MAL2: variants seen among roughly 807,000 people sequenced by gnomAD.
The protein encoded by MAL2 is protein MAL2.
A neutral mutation model predicts 18.1 loss-of-function variants in MAL2; 17 were observed. That is an observed-to-expected ratio of 0.94 (90% CI 0.64 to 1.41). The LOEUF (loss-of-function observed/expected upper bound fraction) is 1.41, where lower values mean the gene tolerates loss of function less well. Among genes scored for constraint, MAL2 ranks in the 40% most tolerant of loss-of-function variants. The pLI is 0.00. For missense variants in MAL2, 222 were observed against 231.9 expected (o/e 0.96, Z 0.28); for synonymous variants, 102 against 102.3 (o/e 1.00, Z 0.02).
At chr8:119,229,453 C>G (rs1358675137) in intron 2 of MAL2, among the ~76,000 whole-genome samples, 1 of 151,948 alleles carries the variant, frequency 6.6e-6, no homozygotes, top group Non-Finnish European at 1.5e-5. Context: ...ACTGGGATTA[C>G]AGGCATGCAC....
chr8:119,229,888 C>T (rs1392734460), intron 2 of MAL2, among the ~76,000 whole-genome samples: 2 of 152,138 alleles, frequency 1.3e-5, no homozygotes, highest in Admixed American at 6.5e-5. Context: ...ACAGCAGTTC[C>T]ACTCTGGTGG....
At chr8:119,219,513 C>T (rs374582000) in intron 1 of MAL2, among the ~76,000 whole-genome samples, 1 of 137,886 alleles carries the variant, frequency 7.3e-6, no homozygotes, top group Admixed American at 7.8e-5. Context: ...CTCTATCACT[C>T]TCCCTGGGTG....
intron 2 of MAL2, among the ~76,000 whole-genome samples, chr8:119,237,466 C>T (rs564329685): frequency 4.6e-5 from 7 of 151,624 alleles, no homozygotes; most frequent in Admixed American, 4.6e-4. Context: ...GATACCAAAG[C>T]CGGGCAGAGA....
rs192103755 is a variant in MAL2 at position 119,240,389 on chromosome 8, C to G, written c.459+69C>G. On this transcript the variant is annotated intron_variant, in intron 3 of 3. Transcript: ENST00000614891. ...CTCCACTGTCAAGGCCTCCAAGAAA[C>G]TCCTCAGGCAACAATAGTTTTCTTC... The G allele has an allele frequency of 8.0e-6, 12 of 1,503,318 alleles. No homozygotes were observed. In the Admixed American group the frequency reaches 1.9e-4, roughly 24 times the overall value. 93.1% of individuals were successfully genotyped at this position (1,503,318 alleles called of 1,614,324 possible).
Position 119,208,646 on chromosome 8 carries a change from G to T in MAL2, c.132+42G>T. On this transcript the variant is annotated intron_variant, in intron 1 of 3. Transcript: ENST00000614891. This position sits in a 1 kb window ranked among gnomAD's most constrained non-coding sequence, Gnocchi z 4.3. ...GAGCGAGGGTCGCGCGGGGAGCGAG[G>T]ACAGGCGGCGGCATCCTTGTCCCCC... 7.9e-7 allele frequency: 1 copy of T among 1,272,832 alleles called. No homozygotes were observed. Among genetic ancestry groups the T allele is most frequent in the South Asian group, 2.7e-5 (1 of 37,108 alleles). The allele number at this position is 1,272,832 out of a possible 1,614,324, so 78.8% of individuals were successfully genotyped here.
intron 3 of MAL2, 108 bp from the exon 4 acceptor site, chr8:119,243,309 G>A (rs1170390722): frequency 9.6e-6 from 6 of 623,020 alleles, no homozygotes; most frequent in Non-Finnish European, 1.5e-5. Flanking sequence ...AAGTGTCGAA[G>A]TATCTTTAGG....
At chr8:119,237,104 G>A in intron 2 of MAL2, among the ~76,000 whole-genome samples, 1 of 152,096 alleles carries the variant, frequency 6.6e-6, no homozygotes, top group East Asian at 1.9e-4. Context: ...TGACAAAGGG[G>A]ATATCAGCAC....
At chr8:119,237,574 A>G (rs1194569319) in intron 2 of MAL2, among the ~76,000 whole-genome samples, 1 of 151,792 alleles carries the variant, frequency 6.6e-6, no homozygotes, top group Admixed American at 6.5e-5. Flanking sequence ...GCAGCACATC[A>G]AAAAGCTTAT....
rs975457040 is a variant in MAL2 at position 119,244,893 on chromosome 8, C to G, written c.*1405C>G. 2 of 152,556 alleles carry G rather than the reference C, an allele frequency of 1.3e-5. No homozygotes were observed. Among genetic ancestry groups the G allele is most frequent in the Non-Finnish European group, 2.9e-5 (2 of 68,024 alleles). The allele number at this position is 152,556 out of a possible 1,614,324, so 9.5% of individuals were successfully genotyped here. A position where few individuals can be genotyped will look rare whatever the true frequency, so the allele number is the denominator to read the frequency against. ...GAGTGAGGCCACAGTTCCCACCACACGAGGGCTTTTGTATTGTTCTACTTT... is the reference window on the plus strand; with the variant it reads ...GAGTGAGGCCACAGTTCCCACCACAGGAGGGCTTTTGTATTGTTCTACTTT... On this transcript the variant is annotated 3_prime_UTR_variant, in exon 4 of 4. Transcript: ENST00000614891.
chr8:119,228,095 A>G (rs954167879), intron 2 of MAL2, among the ~76,000 whole-genome samples: 3 of 152,148 alleles, frequency 2.0e-5, no homozygotes. Context: ...CTCTTATGGC[A>G]CATACACGAG....
intron 2 of MAL2, among the ~76,000 whole-genome samples, chr8:119,239,321 T>C (rs571126718): frequency 6.6e-6 from 1 of 151,992 alleles, no homozygotes; most frequent in Admixed American, 6.5e-5. Flanking sequence ...CTTTACACTG[T>C]TGGTGGGACT....
rs1817226084 is a variant in MAL2 at position 119,208,779 on chromosome 8, T to G, written c.132+175T>G. 25 of 1,022,340 alleles carry G rather than the reference T, an allele frequency of 2.4e-5. No individual in the cohort carries two copies. Among genetic ancestry groups the G allele is most frequent in the East Asian group, 3.4e-5 (1 of 29,304 alleles). 63.3% of individuals were successfully genotyped at this position (1,022,340 alleles called of 1,614,324 possible). A position where few individuals can be genotyped will look rare whatever the true frequency, so the allele number is the denominator to read the frequency against. On this transcript the variant is annotated intron_variant, in intron 1 of 3. Coordinates refer to ENST00000614891, the MANE Select transcript of MAL2 (RefSeq NM_052886.3). This position sits in a 1 kb window ranked among gnomAD's most constrained non-coding sequence, Gnocchi z 4.3. The stretch of plus-strand genomic sequence containing the variant: ...GTGCCCCGCGCCGCCGCCCGGGCCC[T>G]CCCTCCTAGCACCTGTTACGCGGGC...
At position 119,208,544 on chromosome 8, in the gene MAL2, C is replaced by T. The variant is rs1483283471; in HGVS notation, c.72C>T (p.Thr24=). Residue 24 remains threonine (T), a synonymous_variant, in exon 1 of 4, where the codon ACC becomes ACT. Transcript: ENST00000614891. The surrounding 1 kb of genome is among the most constrained non-coding windows in gnomAD (Gnocchi z 4.3). The part of the protein sequence containing the change: ...PAVSFPPPRV[T]LPAGPDILRT... The stretch of plus-strand genomic sequence containing the variant: ...TGTCCTTCCCGCCGCCCCGGGTCAC[C>T]CTGCCCGCCGGCCCCGACATCCTGC... 1 of 1,400,600 alleles carries T rather than the reference C, an allele frequency of 7.1e-7. No homozygotes were observed. Among genetic ancestry groups the T allele is most frequent in the Non-Finnish European group, 9.3e-7 (1 of 1,072,822 alleles). The allele number at this position is 1,400,600 out of a possible 1,614,324, so 86.8% of individuals were successfully genotyped here. A position where few individuals can be genotyped will look rare whatever the true frequency, so the allele number is the denominator to read the frequency against.
chr8:119,220,589 C>T (rs1214038109), intron 1 of MAL2, among the ~76,000 whole-genome samples: 2 of 152,164 alleles, frequency 1.3e-5, no homozygotes, highest in African/African-American at 2.4e-5. Flanking sequence ...AGCTTCAGCA[C>T]CTCCTCGCTC....
At chr8:119,238,659 AAAAC>A (rs1563778258) in intron 2 of MAL2, among the ~76,000 whole-genome samples, 1 of 149,816 alleles carries the variant, frequency 6.7e-6, no homozygotes, top group Non-Finnish European at 1.5e-5. Context: ...AAACCTGAGA[AAAAC>A]AAGCAATGGG....
In MAL2 at chr8:119,208,697, C is replaced by T. The variant is rs1475885426; in HGVS notation, c.132+93C>T. Reference sequence around the variant, plus strand: ...GGGCTGTCTTCCTCTGCGTCCGCCCCCGGCCTCCTTCCCTTCGACGTGGCT... The same window carrying T: ...GGGCTGTCTTCCTCTGCGTCCGCCCTCGGCCTCCTTCCCTTCGACGTGGCT... On this transcript the variant is annotated intron_variant, in intron 1 of 3. Coordinates refer to ENST00000614891, the MANE Select transcript of MAL2 (RefSeq NM_052886.3). This position sits in a 1 kb window ranked among gnomAD's most constrained non-coding sequence, Gnocchi z 4.3. The T allele has an allele frequency of 5.8e-6, 7 of 1,213,718 alleles. No individual in the cohort carries two copies. Among genetic ancestry groups the T allele is most frequent in the African/African-American group, 3.2e-5 (2 of 63,236 alleles). 75.2% of individuals were successfully genotyped at this position (1,213,718 alleles called of 1,614,324 possible). A position where few individuals can be genotyped will look rare whatever the true frequency, so the allele number is the denominator to read the frequency against.
At chr8:119,231,816 C>G (rs999788746) in intron 2 of MAL2, among the ~76,000 whole-genome samples, 1 of 151,988 alleles carries the variant, frequency 6.6e-6, no homozygotes, top group Non-Finnish European at 1.5e-5. Context: ...AAGCCAGGCA[C>G]GGAAAGACCA....
chr8:119,231,065 T>C (rs1817713830), intron 2 of MAL2, among the ~76,000 whole-genome samples: 2 of 152,164 alleles, frequency 1.3e-5, no homozygotes, highest in Non-Finnish European at 2.9e-5. Flanking sequence ...AGAGTCTTGC[T>C]CTGTTGTCCA....
chr8:119,221,470 T>G (rs1161754353), intron 1 of MAL2, 117 bp from the exon 2 acceptor site: 11 of 1,225,192 alleles, frequency 9.0e-6, no homozygotes, highest in Non-Finnish European at 1.3e-5. Context: ...TGCTGGAATA[T>G]GTGCAGGGGT....
Sources: allele counts gnomAD v4.1 joint callset (sites outside exome capture counted in the v4.1 genomes callset), GRCh38; gene constraint gnomAD v4.1.1; non-coding constraint Gnocchi (gnomAD v3.1); transcripts MANE v1.5; gene names NCBI Gene and HGNC (gene_info 2026-07-23, HGNC 2026-07-21).